The following ALK variants were observed in gnomAD, a reference collection of about 807,000 sequenced individuals.
The protein encoded by ALK is ALK tyrosine kinase receptor.
In ALK, 74 loss-of-function variants were observed where a neutral mutation model predicts 163.1. The observed-to-expected ratio is 0.45, with a 90% CI of 0.38 to 0.55. ALK has a LOEUF of 0.55. ALK is among the 20% of genes least tolerant of loss of function. ALK has a pLI of 0.00. For missense variants in ALK, 2,063 were observed against 2,105.3 expected (o/e 0.98, Z 0.39); for synonymous variants, 960 against 843.2 (o/e 1.14, Z -2.40).
At position 29,320,736 on chromosome 2, in the gene ALK, G is replaced by A; in HGVS notation, c.1546+15C>T. On this transcript the variant is annotated intron_variant, in intron 7 of 28. Transcript: ENST00000389048. The stretch of plus-strand genomic sequence containing the variant: ...GAAGATGGGCACCAGAGAGAAGGCA[G>A]GAGAGCAGTAGTACCTTGGTGGTCC... 2 of 1,613,188 alleles carry A rather than the reference G, an allele frequency of 1.2e-6. No homozygotes were observed. Among genetic ancestry groups the A allele is most frequent in the South Asian group, 1.1e-5 (1 of 91,038 alleles).
intron 3 of ALK, among the ~76,000 whole-genome samples, chr2:29,690,015 G>C (rs77479385): frequency 0.014 from 2,144 of 152,310 alleles, 44 homozygotes; most frequent in African/African-American, 0.049. Flanking sequence ...TTGGCTTCTA[G>C]AATGAGGAGA....
chr2:29,843,421 G>C (rs1665752005), intron 1 of ALK, among the ~76,000 whole-genome samples: 1 of 152,116 alleles, frequency 6.6e-6, no homozygotes, highest in Admixed American at 6.6e-5. Flanking sequence ...GCAACTGCTG[G>C]AAGAAAAGAA....
At chr2:29,598,145 A>G (rs6731504) in intron 3 of ALK, among the ~76,000 whole-genome samples, 122,206 of 152,138 alleles carry the variant, frequency 0.8, 49,548 homozygotes, top group African/African-American at 0.92. Flanking sequence ...CTCCTGCCTC[A>G]CCTCCTGCGT....
intron 4 of ALK, among the ~76,000 whole-genome samples, chr2:29,522,472 G>A (rs981375772): frequency 2.0e-5 from 3 of 152,044 alleles, no homozygotes; most frequent in Admixed American, 6.5e-5. Flanking sequence ...GTCCTGTCCC[G>A]TCCCCAGCCA....
chr2:29,454,002 C>G (rs750576044), intron 4 of ALK, among the ~76,000 whole-genome samples: 3 of 152,098 alleles, frequency 2.0e-5, no homozygotes, highest in Non-Finnish European at 4.4e-5. Context: ...CAGTGCTCCC[C>G]CAAAAGAGTT....
intron 3 of ALK, among the ~76,000 whole-genome samples, chr2:29,628,976 G>C (rs1393117599): frequency 2.0e-5 from 3 of 152,168 alleles, no homozygotes; most frequent in Non-Finnish European, 2.9e-5. Context: ...AGAAGATGCA[G>C]GGAACCAAAT....
chr2:29,421,147 C>T (rs1156374557), intron 4 of ALK, among the ~76,000 whole-genome samples: 1 of 151,514 alleles, frequency 6.6e-6, no homozygotes, highest in Non-Finnish European at 1.5e-5. Flanking sequence ...CAACGGACAT[C>T]CTCTGCTGGT....
intron 3 of ALK, among the ~76,000 whole-genome samples, chr2:29,594,678 G>C (rs6547958): frequency 0.8 from 121,933 of 151,670 alleles, 49,321 homozygotes; most frequent in African/African-American, 0.9. Context: ...CCATCCACCT[G>C]GGCCTCCGAA....
chr2:29,728,731 C>G (rs1320475954), intron 1 of ALK, among the ~76,000 whole-genome samples: 3 of 152,114 alleles, frequency 2.0e-5, no homozygotes, highest in African/African-American at 4.8e-5. Context: ...CAACTCAAGT[C>G]TCTCAGAACG....
intron 28 of ALK, among the ~76,000 whole-genome samples, chr2:29,196,033 G>A (rs924828940): frequency 6.6e-6 from 1 of 152,158 alleles, no homozygotes; most frequent in African/African-American, 2.4e-5. Flanking sequence ...CCCTCTTGGT[G>A]AGGGAGGAAG....
At chr2:29,261,416 C>T (rs1665086010) in intron 11 of ALK, among the ~76,000 whole-genome samples, 1 of 152,066 alleles carries the variant, frequency 6.6e-6, no homozygotes, top group Non-Finnish European at 1.5e-5. Flanking sequence ...CTGTTACCAC[C>T]ATCACTGCCC....
intron 5 of ALK, among the ~76,000 whole-genome samples, chr2:29,343,992 G>A (rs1396781963): frequency 6.6e-6 from 1 of 152,158 alleles, no homozygotes; most frequent in Non-Finnish European, 1.5e-5. Context: ...GACAAGACTT[G>A]ATGGGAAAAA....
intron 3 of ALK, among the ~76,000 whole-genome samples, chr2:29,638,148 T>C (rs1340181849): frequency 6.6e-6 from 1 of 152,168 alleles, no homozygotes; most frequent in African/African-American, 2.4e-5. Context: ...ATTTTTGGCA[T>C]CTCAACAATG....
At chr2:29,872,275 G>C (rs949610777) in intron 1 of ALK, among the ~76,000 whole-genome samples, 1 of 152,212 alleles carries the variant, frequency 6.6e-6, no homozygotes. Flanking sequence ...CTGAACTGCA[G>C]AGAGCATGAT....
intron 1 of ALK, chr2:29,890,642 G>C (rs1667119003): frequency 6.6e-6 from 1 of 152,134 alleles, no homozygotes; most frequent in Non-Finnish European, 1.5e-5. Context: ...TCTCTCCACG[G>C]CCCCTCTGAA....
intron 13 of ALK, 46 bp downstream of exon 13, chr2:29,239,634 G>A: frequency 6.2e-7 from 1 of 1,610,600 alleles, no homozygotes; most frequent in South Asian, 1.1e-5. Context: ...GGCCTTCCCG[G>A]GGCCTGACAG....
chr2:29,889,082 A>G (rs1667065811), intron 1 of ALK, among the ~76,000 whole-genome samples: 1 of 152,212 alleles, frequency 6.6e-6, no homozygotes, highest in South Asian at 2.1e-4. Context: ...TTGAACCAAA[A>G]AGTGACTTTG....
At chr2:29,762,999 A>G (rs976557690) in intron 1 of ALK, among the ~76,000 whole-genome samples, 1 of 151,454 alleles carries the variant, frequency 6.6e-6, no homozygotes, top group African/African-American at 2.4e-5. Flanking sequence ...AGGCAGGAGA[A>G]TCGCTTGAAC....
chr2:29,699,296 A>C (rs961622732), intron 2 of ALK, among the ~76,000 whole-genome samples: 1 of 152,138 alleles, frequency 6.6e-6, no homozygotes, highest in African/African-American at 2.4e-5. Flanking sequence ...TTTTCCTTCC[A>C]TCACTGTACC....
Sources: gnomAD v4.1 joint callset for allele counts (sites outside exome capture counted in the v4.1 genomes callset) on GRCh38, gnomAD v4.1.1 for gene constraint, MANE v1.5 for transcripts, NCBI Gene and HGNC (gene_info 2026-07-23, HGNC 2026-07-21) for gene names.